Variants in ATAD2 observed in about 807,000 individuals in gnomAD.
ATAD2 encodes ATPase family AAA domain-containing protein 2.
A neutral mutation model predicts 168.9 loss-of-function variants in ATAD2; 62 were observed. The ratio of observed to expected loss-of-function variants is 0.37; its 90% CI spans 0.30 to 0.45. The LOEUF is 0.45. Ranked by LOEUF, ATAD2 falls within the 20% of genes least tolerant of loss-of-function variation. The pLI, the probability that ATAD2 is intolerant of heterozygous loss-of-function variation, is 1.00. For synonymous variants in ATAD2, 613 were observed against 571.6 expected (o/e 1.07, Z -1.03); for missense variants, 1,419 against 1,667.8 (o/e 0.85, Z 2.60).
intron 1 of ATAD2, chr8:123,401,600 G>T: frequency 8.1e-7 from 1 of 1,233,406 alleles, no homozygotes; most frequent in African/African-American, 1.5e-5. Context: ...GTTGCCCCCA[G>T]GGCACTGTGT....
At position 123,337,075 on chromosome 8, in the gene ATAD2, A is replaced by G. The variant is rs867868890; in HGVS notation, c.3052-543T>C. On this transcript the variant is annotated intron_variant, in intron 21 of 27. Transcript: ENST00000287394. ...CTACAAAAAAAAAAAAAAAAAAAAAAGGGGGGGCCGAGCATGGTGGCTCAT... is the reference window on the plus strand; with the variant it reads ...CTACAAAAAAAAAAAAAAAAAAAAAGGGGGGGGCCGAGCATGGTGGCTCAT... Among the ~76,000 whole-genome samples the G allele has an allele frequency of 6.3e-3, 892 of 142,390 alleles. 11 individuals are homozygous for G. Among genetic ancestry groups the G allele is most frequent in the African/African-American group, 0.021 (740 of 35,932 alleles). The allele number at this position is 142,390 out of a possible 152,430, so 93.4% of individuals were successfully genotyped here.
intron 2 of ATAD2, among the ~76,000 whole-genome samples, chr8:123,377,090 T>TAAAAAAAAAAAAAA (rs1297063054): frequency 3.2e-3 from 2 of 622 alleles, no homozygotes; most frequent in African/African-American, 8.5e-3. Flanking sequence ...AGACTCCGTC[T>TAAAAAAAAAAAAAA]CAAAAAAAAA....
chr8:123,363,903 C>G (rs1828890940), intron 8 of ATAD2, among the ~76,000 whole-genome samples: 1 of 152,066 alleles, frequency 6.6e-6, no homozygotes, highest in Non-Finnish European at 1.5e-5. Flanking sequence ...TTGATAGTGT[C>G]AGAATTCAAA....
chr8:123,333,393 G>C (rs891657101), intron 24 of ATAD2, among the ~76,000 whole-genome samples: 4 of 114,086 alleles, frequency 3.5e-5, no homozygotes, highest in Admixed American at 1.2e-4. Flanking sequence ...CTGGGTGACA[G>C]AGCGAGACTC....
intron 1 of ATAD2, among the ~76,000 whole-genome samples, chr8:123,388,099 C>G (rs1230234594): frequency 1.3e-5 from 2 of 152,196 alleles, no homozygotes; most frequent in Admixed American, 1.3e-4. Flanking sequence ...TAGTTTCTAC[C>G]TCCACAGCTC....
At chr8:123,397,913 G>A (rs1457646626), upstream of ATAD2, among the ~76,000 whole-genome samples, 1 of 152,138 alleles carries the variant, frequency 6.6e-6, no homozygotes, top group African/African-American at 2.4e-5. Flanking sequence ...GAGAGAGGCG[G>A]GAAGCAGGAA....
chr8:123,322,188 A>G lies in ATAD2; in HGVS notation c.4131+750T>C, dbSNP rs186666656. On this transcript the variant is annotated intron_variant, in intron 27 of 27. Transcript: ENST00000287394. ...GTTTTAGTAGACATGGGGTTTCACC[A>G]TGTTGGCCAGGCTAGTCTTGAACTC... is the stretch of plus-strand genomic sequence containing the variant. Among the ~76,000 whole-genome samples the G allele has an allele frequency of 2.6e-4, 39 of 152,180 alleles. 1 individual carries two copies. In the East Asian group the frequency reaches 7.0e-3, roughly 27 times the overall value.
upstream of ATAD2, among the ~76,000 whole-genome samples, chr8:123,396,675 G>A (rs1232926864): frequency 6.6e-6 from 1 of 152,222 alleles, no homozygotes; most frequent in Admixed American, 6.5e-5. Context: ...CATAGTTCCG[G>A]CTCGCTGAGC....
intron 20 of ATAD2, among the ~76,000 whole-genome samples, chr8:123,338,030 T>C (rs1389403081): frequency 6.6e-6 from 1 of 151,170 alleles, no homozygotes; most frequent in Non-Finnish European, 1.5e-5. Context: ...GAATGCTAAT[T>C]CCTACAAGTC....
chr8:123,373,586 A>G (rs1829214557), intron 2 of ATAD2, among the ~76,000 whole-genome samples: 1 of 151,916 alleles, frequency 6.6e-6, no homozygotes, highest in Non-Finnish European at 1.5e-5. Context: ...CAGGAAATCG[A>G]GACCATCCTG....
intron 8 of ATAD2, among the ~76,000 whole-genome samples, chr8:123,366,277 G>A (rs913490892): frequency 6.6e-6 from 1 of 151,984 alleles, no homozygotes; most frequent in African/African-American, 2.4e-5. Flanking sequence ...AATAGATGTT[G>A]GTGTGTATAT....
At chr8:123,414,397 A>T (rs1286135051) in intron 1 of ATAD2, among the ~76,000 whole-genome samples, 1 of 152,224 alleles carries the variant, frequency 6.6e-6, no homozygotes, top group Non-Finnish European at 1.5e-5. Flanking sequence ...TATAGTAAGT[A>T]GTTTGTGCCC....
intron 1 of ATAD2, among the ~76,000 whole-genome samples, chr8:123,408,869 C>T (rs1586915101): frequency 6.6e-6 from 1 of 151,730 alleles, no homozygotes; most frequent in East Asian, 1.9e-4. Context: ...GCTCTATCAC[C>T]CAGGCTGTAG....
chr8:123,337,496 C>T, intron 21 of ATAD2, 129 bp downstream of exon 21: 1 of 834,722 alleles, frequency 1.2e-6, no homozygotes, highest in South Asian at 2.6e-5. Context: ...GGACACTAAC[C>T]CGGTACATGT....
At chr8:123,347,063 A>C (rs989902519) in intron 16 of ATAD2, 29 bp downstream of exon 16, 2 of 1,552,932 alleles carry the variant, frequency 1.3e-6, no homozygotes, top group Non-Finnish European at 8.7e-7. Context: ...TATAAAAACT[A>C]ACTTTAAATG....
In ATAD2 at chr8:123,396,223, C is replaced by A; in HGVS notation, c.135G>T (p.Ala45=). Residue 45 remains alanine, a synonymous_variant, in exon 1 of 28, where the codon GCG becomes GCT. Coordinates refer to ENST00000287394, the MANE Select transcript of ATAD2 (RefSeq NM_014109.4). ...CTGTGGTCGCCGCGGGTTTCTTCTG[C>A]GCCGCGCCGGCCGAGCGGAGCCGCC... ...GRRRLRSAGA[A]QKKPAATTAK... 1 of 1,597,592 alleles carries A rather than the reference C, an allele frequency of 6.3e-7. No homozygotes were observed. The highest frequency in any genetic ancestry group is 8.5e-7 in the Non-Finnish European group (1 of 1,175,574).
rs1376244141 is a variant in ATAD2 at position 123,359,542 on chromosome 8, T to C, written c.1266+35A>G. The C allele has an allele frequency of 1.3e-6, 2 of 1,527,864 alleles. 1 individual carries two copies. Among genetic ancestry groups the C allele is most frequent in the South Asian group, 2.4e-5 (2 of 85,086 alleles). The allele number at this position is 1,527,864 out of a possible 1,614,324, so 94.6% of individuals were successfully genotyped here. A position where few individuals can be genotyped will look rare whatever the true frequency, so the allele number is the denominator to read the frequency against. ...TTTAAAACTAAAACAAAGCACATTA[T>C]AGTTCAAGCATATGTTTCAAAACAG... is the stretch of plus-strand genomic sequence containing the variant. On this transcript the variant is annotated intron_variant, in intron 10 of 27. Transcript: ENST00000287394.
At chr8:123,346,410 T>C (rs1828244835) in intron 17 of ATAD2, 138 bp from the exon 18 acceptor site, 1 of 1,011,902 alleles carries the variant, frequency 9.9e-7, no homozygotes, top group East Asian at 2.8e-5. Flanking sequence ...TCACATAGTT[T>C]CTGGAAACTG....
At chr8:123,390,669 T>C (rs890544918) in intron 1 of ATAD2, among the ~76,000 whole-genome samples, 2 of 152,268 alleles carry the variant, frequency 1.3e-5, no homozygotes, top group Admixed American at 1.3e-4. Context: ...ATTTTTAAAA[T>C]AGTACCTTCT....
Sources: gnomAD v4.1 joint callset for allele counts (sites outside exome capture counted in the v4.1 genomes callset) on GRCh38, gnomAD v4.1.1 for gene constraint, MANE v1.5 for transcripts, NCBI Gene and HGNC (gene_info 2026-07-23, HGNC 2026-07-21) for gene names.